The following PFAS variants were observed in gnomAD, a reference collection of about 807,000 sequenced individuals.
PFAS encodes the protein phosphoribosylformylglycinamidine synthase, also known as FGAM synthase.
PFAS carries 97 observed loss-of-function variants against 140.6 expected under a neutral mutation model. That is an observed-to-expected ratio of 0.69 (90% CI 0.59 to 0.82). The LOEUF is 0.82. PFAS is among the 40% of genes least tolerant of loss of function. PFAS has a pLI of 0.00. For missense variants in PFAS, 1,656 were observed against 1,780.2 expected (o/e 0.93, Z 1.26); for synonymous variants, 679 against 718.8 (o/e 0.94, Z 0.88).
chr17:8,248,008 G>A (rs745686555), upstream of PFAS: 4 of 1,577,602 alleles, frequency 2.5e-6, no homozygotes, highest in Middle Eastern at 1.7e-4. Context: ...ACTCACGGAG[G>A]AAGGGACCTG....
intron 6 of PFAS, 55 bp from the exon 7 acceptor site, chr17:8,256,212 T>A: frequency 6.3e-7 from 1 of 1,579,452 alleles, no homozygotes; most frequent in Non-Finnish European, 8.6e-7. Flanking sequence ...AGACATGGCA[T>A]TAAGAAATGA....
At position 8,266,927 on chromosome 17, in the gene PFAS, C is replaced by T; in HGVS notation, c.2967+29C>T. ...AGGAAGTGAGGGAGAGAGCGGTGTGCAGTGGGCAGTCAGAGTGGGGTGGCC... is the reference window on the plus strand; with the variant it reads ...AGGAAGTGAGGGAGAGAGCGGTGTGTAGTGGGCAGTCAGAGTGGGGTGGCC... On this transcript the variant is annotated intron_variant, in intron 23 of 27. Coordinates refer to ENST00000314666, the MANE Select transcript of PFAS (RefSeq NM_012393.3). This position sits in a 1 kb window ranked among gnomAD's most constrained non-coding sequence, Gnocchi z 5.0. The T allele has an allele frequency of 1.3e-6, 2 of 1,598,244 alleles. No homozygotes were observed. The highest frequency in any genetic ancestry group is 1.7e-6 in the Non-Finnish European group (2 of 1,175,062).
Position 8,263,409 on chromosome 17 carries a change from G to A in PFAS, c.1567+144G>A, listed in dbSNP as rs118124884. The A allele has an allele frequency of 4.5e-6, 5 of 1,100,248 alleles. No homozygotes were observed. The Admixed American group carries it at 7.5e-5, about 17-fold the overall frequency. The allele number at this position is 1,100,248 out of a possible 1,614,324, so 68.2% of individuals were successfully genotyped here. A position where few individuals can be genotyped will look rare whatever the true frequency, so the allele number is the denominator to read the frequency against. On this transcript the variant is annotated intron_variant, in intron 13 of 27. Transcript: ENST00000314666. The stretch of plus-strand genomic sequence containing the variant: ...CTCTGTACATTCTAGACAGGTTCAG[G>A]GTTGGAAGGGTGGAAGCCTGCTGCC...
intron 1 of PFAS, among the ~76,000 whole-genome samples, chr17:8,252,756 T>A (rs1174126923): frequency 6.6e-6 from 1 of 152,060 alleles, no homozygotes; most frequent in Non-Finnish European, 1.5e-5. Context: ...TTGCTGGGAC[T>A]ACAGGCACAT....
In PFAS at chr17:8,261,979, G is replaced by A. The variant is rs1989612301; in HGVS notation, c.1337-941G>A. ...TGCAGTGAGCCGAGATTGCATCACT[G>A]CACTCCAGCCTGGGCAACCGAGCAA... On this transcript the variant is annotated intron_variant, in intron 11 of 27. Transcript: ENST00000314666. Among the ~76,000 whole-genome samples, 6 of 147,846 alleles carry A rather than the reference G, an allele frequency of 4.1e-5. No homozygotes were observed. In the Admixed American group the frequency reaches 4.1e-4, roughly 10 times the overall value.
chr17:8,248,109 CG>C, upstream of PFAS: 1 of 1,023,654 alleles, frequency 9.8e-7, no homozygotes, highest in Non-Finnish European at 1.5e-6. Context: ...GGGGGGCGCT[CG>C]GTGACGTCAC....
At position 8,264,271 on chromosome 17, in the gene PFAS, C is replaced by G; in HGVS notation, c.1851C>G (p.Pro617=). 1.2e-6 allele frequency: 2 copies of G among 1,613,884 alleles called. No homozygotes were observed. The highest frequency in any genetic ancestry group is 1.7e-6 in the Non-Finnish European group (2 of 1,179,864). ...GAAGAAATGGCCAGGGGGATGCCCC[C>G]CCGACACCCCTGCCAACCCCTGTGG... ...PVRRNGQGDA[P]PTPLPTPVDL... is the part of the protein sequence containing the mutation. The change falls in exon 16 of 28, where the codon CCC becomes CCG. Residue 617 remains proline (P), a synonymous_variant. Coordinates refer to ENST00000314666, the MANE Select transcript of PFAS (RefSeq NM_012393.3).
At position 8,257,946 on chromosome 17, in the gene PFAS, TG is replaced by T; in HGVS notation, c.1207+12del. The T allele has an allele frequency of 6.2e-7, 1 of 1,614,062 alleles. No individual in the cohort carries two copies. Among genetic ancestry groups the T allele is most frequent in the Non-Finnish European group, 8.5e-7 (1 of 1,179,962 alleles). Reference sequence around the variant, plus strand: ...GGGAACCAGTGCTGGCTGGTGAGGCTGGGGTGTGGAGGGATGACAAACACCC... The same window carrying T: ...GGGAACCAGTGCTGGCTGGTGAGGCTGGGTGTGGAGGGATGACAAACACCC... On this transcript the variant is annotated intron_variant, in intron 10 of 27. Coordinates refer to ENST00000314666, the MANE Select transcript of PFAS (RefSeq NM_012393.3).
intron 26 of PFAS, among the ~76,000 whole-genome samples, chr17:8,268,040 A>T (rs1042260408): frequency 1.3e-4 from 9 of 67,788 alleles, no homozygotes; most frequent in African/African-American, 5.0e-4. Context: ...TAAAATATGT[A>T]TATTTTTAAA....
In PFAS at chr17:8,266,771, C is replaced by A; in HGVS notation, c.2840C>A (p.Ala947Asp). ...PRVDVLSVLF[A>D]EEPGLVLEVQ... Reference sequence around the variant, plus strand: ...CTCCCAGTCCTGTCTGTGCTGTTCGCTGAGGAGCCAGGCCTCGTGCTGGAG... The same window carrying A: ...CTCCCAGTCCTGTCTGTGCTGTTCGATGAGGAGCCAGGCCTCGTGCTGGAG... Residue 947 changes from alanine to aspartate, a missense_variant, in exon 23 of 28, where the codon GCT (alanine) becomes GAT (aspartate). By Grantham distance (126) the Ala-to-Asp change is moderately radical (BLOSUM62 -2). Around this residue, in one of 2 missense-constraint regions of PFAS, gnomAD observed 883 missense variants for 1,023.0 expected, o/e 0.86. Transcript: ENST00000314666. This position sits in a 1 kb window ranked among gnomAD's most constrained non-coding sequence, Gnocchi z 5.0. 6.2e-7 allele frequency: 1 copy of A among 1,610,178 alleles called. No homozygotes were observed. The highest frequency in any genetic ancestry group is 8.5e-7 in the Non-Finnish European group (1 of 1,178,272).
In PFAS at chr17:8,256,905, C is replaced by T. The variant is rs771666767; in HGVS notation, c.1017C>T (p.Arg339=). 60 of 1,613,946 alleles carry T rather than the reference C, an allele frequency of 3.7e-5. No individual in the cohort carries two copies. The highest frequency in any genetic ancestry group is 3.2e-4 in the Admixed American group (19 of 59,996). Reference sequence around the variant, plus strand: ...TTCGAGATGTCCAGTGCACAGGCCGCGGGGCCCACGTGGTGGCTGGCACTG... The same window carrying T: ...TTCGAGATGTCCAGTGCACAGGCCGTGGGGCCCACGTGGTGGCTGGCACTG... ...GRIRDVQCTG[R]GAHVVAGTAG... Residue 339 remains arginine (R), a synonymous_variant, in exon 9 of 28, where the codon CGC becomes CGT. Coordinates refer to ENST00000314666, the MANE Select transcript of PFAS (RefSeq NM_012393.3).
chr17:8,266,488 GTC>G lies in PFAS; in HGVS notation c.2821+141_2821+142del, dbSNP rs755372922. 1.2e-5 allele frequency: 18 copies of G among 1,496,050 alleles called. No homozygotes were observed. The highest frequency in any genetic ancestry group is 2.1e-4 in the Middle Eastern group (1 of 4,714). 92.7% of individuals were successfully genotyped at this position (1,496,050 alleles called of 1,614,324 possible). On this transcript the variant is annotated intron_variant, in intron 22 of 27. Coordinates refer to ENST00000314666, the MANE Select transcript of PFAS (RefSeq NM_012393.3). The surrounding 1 kb of genome is among the most constrained non-coding windows in gnomAD (Gnocchi z 5.0). ...CTTCCCTGACTAGCTTTTCTGTGCT[GTC>G]TCTCTGACAGCTGAACTGGATGGAA...
At chr17:8,268,424 A>G in intron 26 of PFAS, 109 bp from the exon 27 acceptor site, 4 of 737,780 alleles carry the variant, frequency 5.4e-6, no homozygotes, top group South Asian at 1.9e-5. Context: ...GAGGGAGGGA[A>G]AAGGAAGAAA....
At position 8,265,349 on chromosome 17, in the gene PFAS, T is replaced by C. The variant is rs1170322324; in HGVS notation, c.2342T>C (p.Leu781Ser). ...AAGCTCCCAGGGGAGGGCGCAGCTT[T>C]GGCGGATGCCTGTGAGGCTATGGTG... The part of the protein sequence containing the change: ...AAKLPGEGAA[L>S]ADACEAMVAV... Residue 781 changes from leucine (L) to serine (S), a missense_variant, in exon 19 of 28, where the codon TTG (leucine) becomes TCG (serine). Leu to Ser is a moderately radical substitution (Grantham distance 145, BLOSUM62 -2). Transcript: ENST00000314666. 1 of 1,614,052 alleles carries C rather than the reference T, an allele frequency of 6.2e-7. No homozygotes were observed. Among genetic ancestry groups the C allele is most frequent in the Non-Finnish European group, 8.5e-7 (1 of 1,180,018 alleles).
upstream of PFAS, among the ~76,000 whole-genome samples, chr17:8,248,410 A>ATTTT (rs35534210): frequency 0.026 from 1,770 of 67,462 alleles, 110 homozygotes; most frequent in South Asian, 0.037. Flanking sequence ...CGCCCGGCTA[A>ATTTT]TTTTTTTTTT....
rs540640432 is a variant in PFAS at position 8,251,736 on chromosome 17, A to G, written c.-79-2123A>G. 2.8e-5 allele frequency among the ~76,000 whole-genome samples: 4 copies of G among 144,626 alleles called. No individual in the cohort carries two copies. In the East Asian group the frequency reaches 6.2e-4, roughly 22 times the overall value. 94.9% of individuals were successfully genotyped at this position (144,626 alleles called of 152,430 possible). On this transcript the variant is annotated intron_variant, in intron 1 of 27. Transcript: ENST00000314666. ...ACCCAGGCTGGAGTGCAATGGCTCA[A>G]TCTTGGCTCACTGCAACCTCTGCTT...
intron 1 of PFAS, among the ~76,000 whole-genome samples, chr17:8,250,971 T>A (rs944764039): frequency 3.9e-5 from 6 of 151,914 alleles, no homozygotes; most frequent in African/African-American, 7.2e-5. Flanking sequence ...GAGTCTTTTT[T>A]TTTTTTTATT....
At chr17:8,251,779 C>A (rs1567633356) in intron 1 of PFAS, among the ~76,000 whole-genome samples, 1 of 146,892 alleles carries the variant, frequency 6.8e-6, no homozygotes, top group Non-Finnish European at 1.5e-5. Flanking sequence ...TCCAGTGATT[C>A]TCCTGCCTCA....
chr17:8,252,173 A>G (rs537556605), intron 1 of PFAS, among the ~76,000 whole-genome samples: 4 of 151,542 alleles, frequency 2.6e-5, no homozygotes, highest in African/African-American at 9.6e-5. Context: ...GCATGCCTGT[A>G]ATCTCAGCTA....
Sources: allele counts gnomAD v4.1 joint callset (sites outside exome capture counted in the v4.1 genomes callset), GRCh38; gene constraint gnomAD v4.1.1; regional missense constraint gnomAD v4.1.1; non-coding constraint Gnocchi (gnomAD v3.1); transcripts MANE v1.5; gene names NCBI Gene and HGNC (gene_info 2026-07-23, HGNC 2026-07-21).